The following RAB10 variants were observed in gnomAD, a reference collection of about 807,000 sequenced individuals.
RAB10 encodes the protein RAB10, member RAS oncogene family.
A neutral mutation model predicts 25.7 loss-of-function variants in RAB10; 5 were observed. That is an observed-to-expected ratio of 0.19 (90% confidence interval 0.10 to 0.41). The LOEUF (loss-of-function observed/expected upper bound fraction) is 0.41, where lower values mean the gene tolerates loss of function less well. Ranked by LOEUF, RAB10 falls within the 10% of genes least tolerant of loss-of-function variation. The pLI, the probability that RAB10 is intolerant of heterozygous loss-of-function variation, is 1.00. For missense variants in RAB10, 103 were observed against 245.8 expected, an observed-to-expected ratio of 0.42 and a Z score of 3.89; for synonymous variants, 89 against 86.4, an observed-to-expected ratio of 1.03 and a Z score of -0.16.
At chr2:26,074,620 T>C (rs1289555109) in intron 1 of RAB10, among the ~76,000 whole-genome samples, 1 of 152,178 alleles carries the variant, frequency 6.6e-6, no homozygotes, top group African/African-American at 2.4e-5. Context: ...GGTTTTACCA[T>C]GTTAGCCAGG....
intron 3 of RAB10, among the ~76,000 whole-genome samples, chr2:26,110,648 A>G (rs1224327588): frequency 6.6e-6 from 1 of 152,228 alleles, no homozygotes; most frequent in Non-Finnish European, 1.5e-5. Context: ...ATACTAATAT[A>G]GTAAAAACCT....
intron 1 of RAB10, among the ~76,000 whole-genome samples, chr2:26,059,371 A>C (rs1329283564): frequency 6.6e-6 from 1 of 152,220 alleles, no homozygotes; most frequent in Non-Finnish European, 1.5e-5. Flanking sequence ...AGTGGGAGAG[A>C]CAGATGTATC....
intron 1 of RAB10, among the ~76,000 whole-genome samples, chr2:26,096,838 T>C (rs1667228786): frequency 6.6e-6 from 1 of 152,250 alleles, no homozygotes; most frequent in Non-Finnish European, 1.5e-5. Context: ...CACTATAATT[T>C]CTTTTTTGAC....
chr2:26,075,477 T>C (rs988171882), intron 1 of RAB10, among the ~76,000 whole-genome samples: 1 of 108,008 alleles, frequency 9.3e-6, no homozygotes, highest in Non-Finnish European at 2.0e-5. Flanking sequence ...GTTTAACTTG[T>C]TTAAGCAGAT....
chr2:26,125,862 T>C (rs929800493), intron 3 of RAB10, among the ~76,000 whole-genome samples: 25 of 152,190 alleles, frequency 1.6e-4, no homozygotes, highest in Non-Finnish European at 3.1e-4. Context: ...TGCACAGTAG[T>C]TTTTAACTTT....
intron 1 of RAB10, among the ~76,000 whole-genome samples, chr2:26,037,262 T>C (rs1160253459): frequency 1.3e-5 from 2 of 152,190 alleles, no homozygotes; most frequent in Non-Finnish European, 2.9e-5. Flanking sequence ...GGATCAAGTC[T>C]GCTGGGTTGG....
At chr2:26,085,226 C>G (rs1244381060) in intron 1 of RAB10, among the ~76,000 whole-genome samples, 1 of 152,126 alleles carries the variant, frequency 6.6e-6, no homozygotes, top group Admixed American at 6.5e-5. Context: ...CAGTGACTCA[C>G]GCCTGTAATC....
chr2:26,046,194 G>C (rs751279470), intron 1 of RAB10, among the ~76,000 whole-genome samples: 1 of 152,018 alleles, frequency 6.6e-6, no homozygotes, highest in Non-Finnish European at 1.5e-5. Context: ...GCATGGTGGC[G>C]CATGCCTGTA....
At chr2:26,056,705 G>A (rs1316196572) in intron 1 of RAB10, among the ~76,000 whole-genome samples, 1 of 152,106 alleles carries the variant, frequency 6.6e-6, no homozygotes, top group African/African-American at 2.4e-5. Context: ...ATAACTCACT[G>A]TAACCTTGAA....
intron 1 of RAB10, among the ~76,000 whole-genome samples, chr2:26,076,244 C>T (rs760111003): frequency 2.6e-5 from 4 of 152,142 alleles, no homozygotes; most frequent in Non-Finnish European, 5.9e-5. Context: ...AAAATTTCAC[C>T]TGATGCCACA....
intron 3 of RAB10, among the ~76,000 whole-genome samples, chr2:26,116,757 C>T (rs11892407): frequency 0.12 from 17,502 of 151,842 alleles, 1,136 homozygotes; most frequent in African/African-American, 0.19. Flanking sequence ...GGGGTTTCAA[C>T]GTGTTAGCCA....
chr2:26,101,544 A>G (rs1275871755), intron 2 of RAB10: 8 of 152,674 alleles, frequency 5.2e-5, no homozygotes, highest in Admixed American at 2.0e-4. Flanking sequence ...GCAGTCATTG[A>G]TAGGGGTCAT....
intron 2 of RAB10, chr2:26,101,223 G>A (rs531643642): frequency 6.6e-6 from 1 of 152,176 alleles, no homozygotes. Flanking sequence ...GGTAAGTCTA[G>A]ATCTTACTAT....
At chr2:26,086,419 C>T (rs1263988446) in intron 1 of RAB10, among the ~76,000 whole-genome samples, 2 of 152,146 alleles carry the variant, frequency 1.3e-5, no homozygotes, top group Non-Finnish European at 2.9e-5. Flanking sequence ...ATTTCCTACC[C>T]ACTAGGATGG....
At chr2:26,130,067 C>T (rs985990692) in intron 5 of RAB10, among the ~76,000 whole-genome samples, 2 of 152,054 alleles carry the variant, frequency 1.3e-5, no homozygotes, top group Non-Finnish European at 2.9e-5. Context: ...GTAAGGGGGA[C>T]GGATCATAGG....
At chr2:26,071,273 A>AT (rs1666620515) in intron 1 of RAB10, among the ~76,000 whole-genome samples, 2 of 152,224 alleles carry the variant, frequency 1.3e-5, no homozygotes, top group African/African-American at 4.8e-5. Context: ...ATAGAACATC[A>AT]TTTATCCTTG....
chr2:26,082,214 A>C (rs1326929749), intron 1 of RAB10, among the ~76,000 whole-genome samples: 1 of 152,142 alleles, frequency 6.6e-6, no homozygotes, highest in African/African-American at 2.4e-5. Context: ...ATGGAAGTAT[A>C]ATTCTGTAAG....
intron 1 of RAB10, among the ~76,000 whole-genome samples, chr2:26,054,365 T>C (rs1399500619): frequency 6.6e-6 from 1 of 152,144 alleles, no homozygotes; most frequent in Non-Finnish European, 1.5e-5. Flanking sequence ...AATGTTTGTA[T>C]TTTTAGTAGA....
chr2:26,093,426 A>G (rs1003139036), intron 1 of RAB10, among the ~76,000 whole-genome samples: 1 of 152,120 alleles, frequency 6.6e-6, no homozygotes. Flanking sequence ...TTAGAAACAC[A>G]TAACAGGTTT....
Sources: allele counts gnomAD v4.1 joint callset (sites outside exome capture counted in the v4.1 genomes callset), GRCh38; gene constraint gnomAD v4.1.1; transcripts MANE v1.5; gene names NCBI Gene and HGNC (gene_info 2026-07-23, HGNC 2026-07-21).